AOAH: variants seen among roughly 807,000 people sequenced by gnomAD.
AOAH encodes the protein acyloxyacyl hydrolase, also known as acyloxyacyl hydrolase (neutrophil).
A neutral mutation model predicts 92.2 loss-of-function variants in AOAH; 64 were observed. The observed-to-expected ratio is 0.69, with a 90% CI of 0.57 to 0.86. AOAH has a LOEUF of 0.86. AOAH is among the 40% of genes least tolerant of loss of function. The pLI is 0.00. For missense variants in AOAH, 656 were observed against 694.6 expected (o/e 0.94, Z 0.62); for synonymous variants, 263 against 254.5 (o/e 1.03, Z -0.32).
At chr7:36,655,845 T>A (rs1296076806) in intron 4 of AOAH, among the ~76,000 whole-genome samples, 2 of 152,078 alleles carry the variant, frequency 1.3e-5, no homozygotes. Context: ...CAGAGGATAG[T>A]GGTAGAGACA....
At chr7:36,574,331 C>T (rs529929139) in intron 13 of AOAH, among the ~76,000 whole-genome samples, 3 of 152,160 alleles carry the variant, frequency 2.0e-5, no homozygotes, top group South Asian at 2.1e-4. Flanking sequence ...CATTTTGACA[C>T]GATTAGGCTC....
rs765992221 is a variant in AOAH, at chr7:36,516,179, CACAT to C, written c.1600-2803_1600-2800del. 6.7e-6 allele frequency among the ~76,000 whole-genome samples: 1 copy of C among 149,590 alleles called. No individual in the cohort carries two copies. Reference sequence around the variant, plus strand: ...CACACACACCACACACCCCATACCACACATACATACATCTCTCTTATATACACAC... The same window carrying C: ...CACACACACCACACACCCCATACCACACATACATCTCTCTTATATACACAC... On this transcript the variant is annotated intron_variant, in intron 20 of 20. Coordinates refer to ENST00000617537, the MANE Select transcript of AOAH (RefSeq NM_001637.4). The surrounding 1 kb of genome is among the most constrained non-coding windows in gnomAD (Gnocchi z 5.0).
In AOAH at chr7:36,559,026, G is replaced by A. The variant is rs1032589569; in HGVS notation, c.1022-9551C>T. On this transcript the variant is annotated intron_variant, in intron 13 of 20. Transcript: ENST00000617537. ...TGGCACTCCCTAGTGAGATGAACCC[G>A]GTACCTCAGATGGAAATGCAGAAAT... Among the ~76,000 whole-genome samples, 7 of 152,244 alleles carry A rather than the reference G, an allele frequency of 4.6e-5. No individual in the cohort carries two copies. In the East Asian group the frequency reaches 5.8e-4, roughly 13 times the overall value.
At chr7:36,582,115 T>C (rs1788971776) in intron 12 of AOAH, among the ~76,000 whole-genome samples, 2 of 152,236 alleles carry the variant, frequency 1.3e-5, no homozygotes, top group Non-Finnish European at 2.9e-5. Context: ...TAAACTATCA[T>C]GATGATTCTG....
At chr7:36,662,463 A>G (rs1237927624) in intron 3 of AOAH, among the ~76,000 whole-genome samples, 1 of 152,208 alleles carries the variant, frequency 6.6e-6, no homozygotes, top group Non-Finnish European at 1.5e-5. Flanking sequence ...AAAGTCCATT[A>G]CCAAACTAAT....
chr7:36,538,666 A>G (rs1562547630), intron 16 of AOAH, among the ~76,000 whole-genome samples: 1 of 152,110 alleles, frequency 6.6e-6, no homozygotes, highest in Non-Finnish European at 1.5e-5. Context: ...CAGATGTACA[A>G]TTTTCATATC....
intron 6 of AOAH, among the ~76,000 whole-genome samples, chr7:36,631,730 G>A (rs1793121814): frequency 6.6e-6 from 1 of 152,190 alleles, no homozygotes; most frequent in Non-Finnish European, 1.5e-5. Context: ...CTGTTTCCAG[G>A]TGTAGTGCAG....
chr7:36,671,609 A>ATGTG, intron 3 of AOAH, among the ~76,000 whole-genome samples: 1 of 150,200 alleles, frequency 6.7e-6, no homozygotes, highest in East Asian at 2.0e-4. Context: ...GTGTGTGTGT[A>ATGTG]TGTGTGTGTG....
At chr7:36,544,780 C>T (rs1035589612) in intron 15 of AOAH, among the ~76,000 whole-genome samples, 3 of 152,166 alleles carry the variant, frequency 2.0e-5, no homozygotes, top group African/African-American at 7.2e-5. Context: ...CATTTCATTA[C>T]CCTGGCAGGT....
intron 13 of AOAH, among the ~76,000 whole-genome samples, chr7:36,568,774 G>T (rs1353701650): frequency 6.6e-6 from 1 of 151,980 alleles, no homozygotes; most frequent in Non-Finnish European, 1.5e-5. Context: ...TAGCCTTCCT[G>T]ACCTGAATAT....
chr7:36,592,223 T>C (rs545396767), intron 12 of AOAH, among the ~76,000 whole-genome samples: 12 of 152,192 alleles, frequency 7.9e-5, no homozygotes, highest in Admixed American at 2.6e-4. Flanking sequence ...TATATATTTT[T>C]TTATTTTCTG....
chr7:36,558,407 C>A (rs569279266), intron 13 of AOAH, among the ~76,000 whole-genome samples: 61 of 152,344 alleles, frequency 4.0e-4, no homozygotes, highest in African/African-American at 1.4e-3. Flanking sequence ...TGGGGGGTGC[C>A]TCCCAGTTAG....
intron 1 of AOAH, among the ~76,000 whole-genome samples, chr7:36,701,577 T>A (rs1278924203): frequency 2.0e-5 from 3 of 151,656 alleles, no homozygotes; most frequent in East Asian, 3.9e-4. Context: ...TTATTCTACA[T>A]CTTAAAGTGT....
chr7:36,616,547 G>C, intron 10 of AOAH, 73 bp from the exon 11 acceptor site: 2 of 1,202,176 alleles, frequency 1.7e-6, no homozygotes, highest in South Asian at 2.5e-5. Context: ...GTAGATATAA[G>C]AGCGGATACC....
At chr7:36,560,248 GT>G (rs1426910220) in intron 13 of AOAH, among the ~76,000 whole-genome samples, 1 of 152,112 alleles carries the variant, frequency 6.6e-6, no homozygotes, top group Admixed American at 6.5e-5. Flanking sequence ...TTTTAGAATA[GT>G]TTTTTTATAA....
chr7:36,539,857 G>A (rs1489215145), intron 16 of AOAH, among the ~76,000 whole-genome samples: 1 of 152,180 alleles, frequency 6.6e-6, no homozygotes, highest in Non-Finnish European at 1.5e-5. Flanking sequence ...ACATTTTAAA[G>A]CCTTTCGGAG....
intron 16 of AOAH, among the ~76,000 whole-genome samples, chr7:36,533,816 C>T (rs922468408): frequency 2.6e-5 from 4 of 152,122 alleles, no homozygotes; most frequent in Non-Finnish European, 4.4e-5. Flanking sequence ...CTCCTGGCTT[C>T]GCTCTTTCCC....
intron 16 of AOAH, among the ~76,000 whole-genome samples, chr7:36,534,972 C>G (rs1583753119): frequency 1.5e-5 from 2 of 136,494 alleles, no homozygotes; most frequent in African/African-American, 2.7e-5. Context: ...GTCTGTGTCT[C>G]TGTGTGTGTG....
intron 4 of AOAH, among the ~76,000 whole-genome samples, chr7:36,642,694 C>T (rs1331195678): frequency 6.6e-6 from 1 of 152,192 alleles, no homozygotes; most frequent in Non-Finnish European, 1.5e-5. Context: ...CTGTTAGTAT[C>T]TGTACTCTGC....
Sources: allele counts gnomAD v4.1 joint callset (sites outside exome capture counted in the v4.1 genomes callset), GRCh38; gene constraint gnomAD v4.1.1; non-coding constraint Gnocchi (gnomAD v3.1); transcripts MANE v1.5; gene names NCBI Gene and HGNC (gene_info 2026-07-23, HGNC 2026-07-21).